PCDHGA7: variants seen among roughly 807,000 people sequenced by gnomAD.
The protein encoded by PCDHGA7 is protocadherin gamma subfamily A, 7.
Under a neutral mutation model 58.3 loss-of-function variants are expected in PCDHGA7, and 44 were observed. The ratio of observed to expected loss-of-function variants is 0.75; its 90% CI spans 0.59 to 0.97. The LOEUF is 0.97. Ranked by LOEUF, PCDHGA7 falls within the 50% of genes least tolerant of loss-of-function variation. The probability of loss-of-function intolerance (pLI) is 0.00; values close to 1 mark genes in which losing one functional copy is unlikely to be tolerated. For synonymous variants in PCDHGA7, 516 were observed against 504.2 expected (o/e 1.02, Z -0.31); for missense variants, 1,266 against 1,188.7 (o/e 1.06, Z -0.96).
intron 1 of PCDHGA7, among the ~76,000 whole-genome samples, chr5:141,488,553 T>C (rs2099676887): frequency 6.6e-6 from 1 of 152,166 alleles, no homozygotes; most frequent in South Asian, 2.1e-4. Flanking sequence ...TCAGCTGACA[T>C]TGAGATTTCC....
intron 1 of PCDHGA7, among the ~76,000 whole-genome samples, chr5:141,425,922 A>G (rs1485934946): frequency 6.6e-6 from 1 of 152,240 alleles, no homozygotes; most frequent in Non-Finnish European, 1.5e-5. Context: ...TCACTACGAA[A>G]ACTCATAAAA....
chr5:141,398,799 C>A, intron 1 of PCDHGA7: 1 of 1,613,966 alleles, frequency 6.2e-7, no homozygotes, highest in South Asian at 1.1e-5. Context: ...CCCTAAGCGG[C>A]ACCACTGAGC....
rs766038218 is a variant in PCDHGA7 at position 141,398,581 on chromosome 5, T to C, written c.2424+13258T>C. The stretch of plus-strand genomic sequence containing the variant: ...TGAGTCTGCACAGCCTGGCACAAGA[T>C]TTATACTAGAAGTAGCAGAAGATGC... On this transcript the variant is annotated intron_variant, in intron 1 of 3. Transcript: ENST00000518325. The C allele has an allele frequency of 1.2e-5, 20 of 1,614,028 alleles. No individual in the cohort carries two copies. In the Admixed American group the frequency reaches 2.2e-4, roughly 17 times the overall value.
In PCDHGA7 at chr5:141,477,101, G is replaced by A. The variant is rs770640663; in HGVS notation, c.2425-17706G>A. On this transcript the variant is annotated intron_variant, in intron 1 of 3. Transcript: ENST00000518325. The surrounding 1 kb of genome is among the most constrained non-coding windows in gnomAD (Gnocchi z 4.9). ...TTACATCCAGGCCAAAGACAAGGGC[G>A]CCAATCCCGAAGGAGCACATTGCAA... 2 of 1,614,262 alleles carry A rather than the reference G, an allele frequency of 1.2e-6. No individual in the cohort carries two copies. Among genetic ancestry groups the A allele is most frequent in the East Asian group, 2.2e-5 (1 of 44,884 alleles).
intron 1 of PCDHGA7, among the ~76,000 whole-genome samples, chr5:141,387,074 C>G (rs1268463514): frequency 6.6e-6 from 1 of 152,172 alleles, no homozygotes. Flanking sequence ...GAGTAGGCTA[C>G]TGCCTGTGAT....
chr5:141,441,905 C>G, intron 1 of PCDHGA7: 1 of 348,464 alleles, frequency 2.9e-6, no homozygotes, highest in Non-Finnish European at 5.5e-6. Flanking sequence ...GCTGTAGACG[C>G]AGATGTGAGA....
intron 1 of PCDHGA7, among the ~76,000 whole-genome samples, chr5:141,454,420 T>C (rs889393211): frequency 6.6e-6 from 1 of 152,218 alleles, no homozygotes; most frequent in African/African-American, 2.4e-5. Context: ...TATTTATTTA[T>C]TTAGAGACAG....
intron 1 of PCDHGA7, among the ~76,000 whole-genome samples, chr5:141,448,660 G>T (rs2098599264): frequency 6.6e-6 from 1 of 151,712 alleles, no homozygotes; most frequent in African/African-American, 2.4e-5. Context: ...TTCCATATTG[G>T]CCGGGCGCGG....
At chr5:141,480,726 G>A (rs2099524533) in intron 1 of PCDHGA7, among the ~76,000 whole-genome samples, 1 of 152,138 alleles carries the variant, frequency 6.6e-6, no homozygotes, top group Non-Finnish European at 1.5e-5. Context: ...CACAGTCTCT[G>A]GGGGTGGGAC....
chr5:141,491,861 C>A lies in PCDHGA7; in HGVS notation c.2425-2946C>A. ...GGATCATTGGACCGTTTGCGCGAAA[C>A]CAGAGTGGCCGATTAAGGGATGGGG... On this transcript the variant is annotated intron_variant, in intron 1 of 3. Transcript: ENST00000518325. The surrounding 1 kb of genome is among the most constrained non-coding windows in gnomAD (Gnocchi z 6.9). 6.9e-7 allele frequency: 1 copy of A among 1,455,272 alleles called. No homozygotes were observed. The highest frequency in any genetic ancestry group is 9.1e-7 in the Non-Finnish European group (1 of 1,100,930). The allele number at this position is 1,455,272 out of a possible 1,614,324, so 90.1% of individuals were successfully genotyped here.
At chr5:141,435,334 T>C (rs1223377462) in intron 1 of PCDHGA7, among the ~76,000 whole-genome samples, 1 of 152,196 alleles carries the variant, frequency 6.6e-6, no homozygotes, top group East Asian at 1.9e-4. Context: ...ATATAGTGAA[T>C]TTATTTCTTC....
intron 1 of PCDHGA7, among the ~76,000 whole-genome samples, chr5:141,434,742 G>A (rs1177333213): frequency 6.6e-6 from 1 of 151,500 alleles, no homozygotes; most frequent in Non-Finnish European, 1.5e-5. Context: ...TGAAGGCTAT[G>A]AGACCCCTGA....
At chr5:141,455,552 G>T (rs897699654) in intron 1 of PCDHGA7, among the ~76,000 whole-genome samples, 1 of 152,144 alleles carries the variant, frequency 6.6e-6, no homozygotes, top group African/African-American at 2.4e-5. Flanking sequence ...CGTAGCCCGA[G>T]AAAAAGCTGG....
chr5:141,485,922 G>C lies in PCDHGA7; in HGVS notation c.2425-8885G>C. 6.2e-7 allele frequency: 1 copy of C among 1,614,170 alleles called. No individual in the cohort carries two copies. The highest frequency in any genetic ancestry group is 8.5e-7 in the Non-Finnish European group (1 of 1,180,036). On this transcript the variant is annotated intron_variant, in intron 1 of 3. Transcript: ENST00000518325. This position sits in a 1 kb window ranked among gnomAD's most constrained non-coding sequence, Gnocchi z 5.7. The stretch of plus-strand genomic sequence containing the variant: ...TTCCAGCAATCCAGCTACAGGATTA[G>C]TGTGTTGGAGAGCGCACCAGCGGGC...
At chr5:141,474,671 A>G (rs2099352865) in intron 1 of PCDHGA7, among the ~76,000 whole-genome samples, 1 of 152,204 alleles carries the variant, frequency 6.6e-6, no homozygotes, top group South Asian at 2.1e-4. Context: ...TACCTAACCT[A>G]TGTGCCTACC....
At chr5:141,441,404 C>T (rs1231257776) in intron 1 of PCDHGA7, 1 of 155,262 alleles carries the variant, frequency 6.4e-6, no homozygotes, top group Admixed American at 6.5e-5. Context: ...ATCAGCATCA[C>T]TGCCACTGAC....
chr5:141,501,701 G>A (rs747266621), intron 2 of PCDHGA7, among the ~76,000 whole-genome samples: 3 of 151,984 alleles, frequency 2.0e-5, no homozygotes, highest in East Asian at 1.9e-4. Flanking sequence ...GGGTGATTCC[G>A]AGGATAAAAA....
At chr5:141,412,922 A>G in intron 1 of PCDHGA7, 1 of 420,478 alleles carries the variant, frequency 2.4e-6, no homozygotes, top group Non-Finnish European at 4.2e-6. Flanking sequence ...ACTTGGGTGC[A>G]GTAACTTCTT....
intron 1 of PCDHGA7, chr5:141,409,439 G>C: frequency 6.2e-7 from 1 of 1,613,998 alleles, no homozygotes; most frequent in Non-Finnish European, 8.5e-7. Flanking sequence ...CCTGGACCGA[G>C]AGCAGACACC....
Sources: gnomAD v4.1 joint callset for allele counts (sites outside exome capture counted in the v4.1 genomes callset) on GRCh38, gnomAD v4.1.1 for gene constraint, Gnocchi (gnomAD v3.1) non-coding constraint, MANE v1.5 for transcripts, NCBI Gene and HGNC (gene_info 2026-07-23, HGNC 2026-07-21) for gene names.